Variants in PDGFD observed in about 807,000 individuals in gnomAD.
PDGFD encodes platelet-derived growth factor D.
A neutral mutation model predicts 44.7 loss-of-function variants in PDGFD; 30 were observed. The observed-to-expected ratio is 0.67, with a 90% CI of 0.50 to 0.91. The LOEUF (loss-of-function observed/expected upper bound fraction) is 0.91. PDGFD is among the 40% of genes least tolerant of loss of function. The pLI is 0.00. For missense variants in PDGFD, 445 were observed against 457.8 expected (o/e 0.97, Z 0.25); for synonymous variants, 173 against 168.4 (o/e 1.03, Z -0.21).
At chr11:104,066,761 C>T (rs980600547) in intron 1 of PDGFD, among the ~76,000 whole-genome samples, 4 of 152,152 alleles carry the variant, frequency 2.6e-5, no homozygotes, top group Admixed American at 2.6e-4. Context: ...ATTGGCATCA[C>T]TGATTGATCC....
intron 6 of PDGFD, among the ~76,000 whole-genome samples, chr11:103,915,764 A>G (rs1286746190): frequency 6.6e-6 from 1 of 152,232 alleles, no homozygotes; most frequent in Non-Finnish European, 1.5e-5. Context: ...AATGGAACAG[A>G]ACAGAGACCT....
At chr11:104,022,737 CATATAATGTGTGTGTACATAT>C (rs973421114) in intron 1 of PDGFD, among the ~76,000 whole-genome samples, 3 of 132,982 alleles carry the variant, frequency 2.3e-5, no homozygotes, top group Non-Finnish European at 3.4e-5. Context: ...ACACTATAAA[CATATAATGTGTGTGTACATAT>C]ATATGTGTAT....
intron 4 of PDGFD, among the ~76,000 whole-genome samples, chr11:103,947,014 C>A (rs768394076): frequency 7.9e-5 from 12 of 152,144 alleles, no homozygotes; most frequent in Non-Finnish European, 1.8e-4. Context: ...CATTTATTAT[C>A]TTGTATTTTA....
intron 3 of PDGFD, among the ~76,000 whole-genome samples, chr11:103,966,988 G>T (rs549050882): frequency 6.6e-6 from 1 of 152,142 alleles, no homozygotes; most frequent in Admixed American, 6.5e-5. Flanking sequence ...TGAGGGCGGG[G>T]TGCCTCTCTT....
intron 1 of PDGFD, among the ~76,000 whole-genome samples, chr11:104,003,208 G>A (rs1341074119): frequency 6.6e-6 from 1 of 152,240 alleles, no homozygotes; most frequent in African/African-American, 2.4e-5. Flanking sequence ...AGCAGCAAGG[G>A]CTAATGTGGA....
intron 3 of PDGFD, among the ~76,000 whole-genome samples, chr11:103,972,314 T>C (rs1160710189): frequency 6.6e-6 from 1 of 152,030 alleles, no homozygotes; most frequent in Non-Finnish European, 1.5e-5. Flanking sequence ...CAACCAAAAC[T>C]GTTTCCAGAT....
intron 1 of PDGFD, among the ~76,000 whole-genome samples, chr11:104,113,027 A>C (rs960870125): frequency 6.6e-6 from 1 of 152,138 alleles, no homozygotes; most frequent in African/African-American, 2.4e-5. Context: ...CCTGAACTTA[A>C]AAGTTAAAAA....
intron 2 of PDGFD, among the ~76,000 whole-genome samples, chr11:103,998,685 A>T (rs1348438310): frequency 6.6e-6 from 1 of 152,196 alleles, no homozygotes; most frequent in Non-Finnish European, 1.5e-5. Flanking sequence ...CAGCTGGTTG[A>T]TCAGAAGTAG....
At chr11:104,094,443 T>G (rs1861253953) in intron 1 of PDGFD, among the ~76,000 whole-genome samples, 1 of 151,998 alleles carries the variant, frequency 6.6e-6, no homozygotes, top group African/African-American at 2.4e-5. Flanking sequence ...AGCATCAAAA[T>G]CATATATCCA....
chr11:104,003,417 C>G (rs1859649729), intron 1 of PDGFD, among the ~76,000 whole-genome samples: 1 of 152,162 alleles, frequency 6.6e-6, no homozygotes, highest in Non-Finnish European at 1.5e-5. Flanking sequence ...GTTGGTGATA[C>G]AGTAGACAAA....
intron 3 of PDGFD, among the ~76,000 whole-genome samples, chr11:103,983,805 A>G (rs181707091): frequency 9.2e-5 from 14 of 151,946 alleles, no homozygotes; most frequent in African/African-American, 3.4e-4. Flanking sequence ...GCCGACAATC[A>G]CATGAAAAAA....
intron 3 of PDGFD, among the ~76,000 whole-genome samples, chr11:103,954,571 T>A (rs1858808709): frequency 6.6e-6 from 1 of 152,228 alleles, no homozygotes; most frequent in Admixed American, 6.5e-5. Context: ...TGGGAGTTTT[T>A]AAAAAGCTTT....
chr11:103,934,231 GT>G (rs1858452685), intron 5 of PDGFD, among the ~76,000 whole-genome samples: 1 of 152,194 alleles, frequency 6.6e-6, no homozygotes, highest in South Asian at 2.1e-4. Flanking sequence ...GATTAAATGA[GT>G]TTTGAGTGTT....
intron 3 of PDGFD, among the ~76,000 whole-genome samples, chr11:103,994,018 C>T (rs887021305): frequency 4.6e-5 from 7 of 152,072 alleles, no homozygotes; most frequent in African/African-American, 1.4e-4. Context: ...ATAGAGGCAG[C>T]CCAATATTCC....
At position 104,138,415 on chromosome 11, in the gene PDGFD, T is replaced by C. The variant is rs1862040596; in HGVS notation, c.124+25389A>G. On this transcript the variant is annotated intron_variant, in intron 1 of 6. Transcript: ENST00000393158. ...CCTCCCTGGTTAGATTAATTTTGTTTCCCAGTTTTGAAAATGTATGATTCT... is the reference window on the plus strand; with the variant it reads ...CCTCCCTGGTTAGATTAATTTTGTTCCCCAGTTTTGAAAATGTATGATTCT... Among the ~76,000 whole-genome samples, 5 of 152,346 alleles carry C rather than the reference T, an allele frequency of 3.3e-5. No individual in the cohort carries two copies. The South Asian group carries it at 1.0e-3, about 32-fold the overall frequency.
At chr11:103,932,097 C>A (rs768586753) in intron 5 of PDGFD, among the ~76,000 whole-genome samples, 4 of 152,180 alleles carry the variant, frequency 2.6e-5, no homozygotes, top group Non-Finnish European at 4.4e-5. Flanking sequence ...ACTCACCACA[C>A]TTTTTCTGCC....
At chr11:103,958,000 T>C (rs1391528401) in intron 3 of PDGFD, among the ~76,000 whole-genome samples, 2 of 152,146 alleles carry the variant, frequency 1.3e-5, no homozygotes, top group African/African-American at 4.8e-5. Flanking sequence ...CTACAATCTG[T>C]TGCCGAAGAG....
intron 3 of PDGFD, among the ~76,000 whole-genome samples, chr11:103,950,719 T>C (rs1364912467): frequency 2.0e-5 from 3 of 152,114 alleles, no homozygotes; most frequent in African/African-American, 4.8e-5. Context: ...CCTTCCACAG[T>C]GTTACAGCTG....
chr11:103,921,685 T>A (rs1858224203), intron 6 of PDGFD, among the ~76,000 whole-genome samples: 4 of 151,690 alleles, frequency 2.6e-5, no homozygotes, highest in Admixed American at 6.6e-5. Context: ...ACTCTTAAAC[T>A]GTGATAAAAT....
Sources: gnomAD v4.1 joint callset for allele counts (sites outside exome capture counted in the v4.1 genomes callset) on GRCh38, gnomAD v4.1.1 for gene constraint, MANE v1.5 for transcripts, NCBI Gene and HGNC (gene_info 2026-07-23, HGNC 2026-07-21) for gene names.